The following ARHGAP11B variants were observed in gnomAD, a reference collection of about 807,000 sequenced individuals.
ARHGAP11B encodes the protein Rho GTPase activating protein 11B, also known as inactive Rho GTPase-activating protein 11B.
In ARHGAP11B, 14 loss-of-function variants were observed where a neutral mutation model predicts 27.6. That is an observed-to-expected ratio of 0.51 (90% CI 0.34 to 0.79). The LOEUF (loss-of-function observed/expected upper bound fraction) is 0.79, where lower values mean the gene tolerates loss of function less well. Ranked by LOEUF, ARHGAP11B falls within the 30% of genes least tolerant of loss-of-function variation. The probability of loss-of-function intolerance (pLI) is 0.02; values close to 1 mark genes in which losing one functional copy is unlikely to be tolerated. For missense variants in ARHGAP11B, 245 were observed against 320.1 expected, an observed-to-expected ratio of 0.77 and a Z score of 1.79; for synonymous variants, 82 against 114.1, an observed-to-expected ratio of 0.72 and a Z score of 1.80.
intron 2 of ARHGAP11B, among the ~76,000 whole-genome samples, chr15:30,631,157 T>C (rs1036967101): frequency 1.3e-5 from 2 of 151,432 alleles, no homozygotes; most frequent in Non-Finnish European, 2.9e-5. Context: ...AAAAATATTT[T>C]TTTAACTTTT....
chr15:30,639,194 T>C (rs553544947), intron 7 of ARHGAP11B, among the ~76,000 whole-genome samples: 143 of 152,288 alleles, frequency 9.4e-4, no homozygotes, highest in Non-Finnish European at 1.5e-3. Context: ...TGGCTGAAAT[T>C]ATTCAGCCAG....
intron 1 of ARHGAP11B, among the ~76,000 whole-genome samples, chr15:30,629,808 C>A (rs1318873313): frequency 6.6e-6 from 1 of 152,030 alleles, no homozygotes; most frequent in South Asian, 2.1e-4. Context: ...AGTACTTCAG[C>A]ATTCACAGAG....
At chr15:30,641,007 T>C (rs2060311769) in intron 7 of ARHGAP11B, among the ~76,000 whole-genome samples, 1 of 151,888 alleles carries the variant, frequency 6.6e-6, no homozygotes, top group Non-Finnish European at 1.5e-5. Context: ...AGCATTACAT[T>C]TTCCCCAAGG....
intron 1 of ARHGAP11B, among the ~76,000 whole-genome samples, chr15:30,630,430 T>C (rs1248193973): frequency 6.6e-6 from 1 of 151,980 alleles, no homozygotes; most frequent in Non-Finnish European, 1.5e-5. Flanking sequence ...AAATTGACTT[T>C]ATGATCAGAT....
chr15:30,638,622 A>G (rs972062513), intron 6 of ARHGAP11B, 124 bp from the exon 7 acceptor site: 25 of 516,186 alleles, frequency 4.8e-5, no homozygotes, highest in Middle Eastern at 4.1e-4. Context: ...TTCCTCTTAA[A>G]TAACTTAAAA....
exon 1 of ARHGAP11B, chr15:30,626,865 G>A (rs1567508470): frequency 6.2e-7 from 1 of 1,613,716 alleles, no homozygotes; most frequent in Middle Eastern, 1.7e-4. Flanking sequence ...TGCAGCATCT[G>A]CGGGCCTTCT....
Position 30,644,847 on chromosome 15 carries a change from T to A in ARHGAP11B, c.*142+145T>A, listed in dbSNP as rs903132811. ...TGGTTATATTCTTGGGTCAGTGTTA[T>A]GTGAATTGTAAGTAATCTGTAATTC... On this transcript the variant is annotated intron_variant, in intron 8 of 10. Transcript: ENST00000428041. The A allele has an allele frequency of 5.0e-6, 4 of 793,294 alleles. No homozygotes were observed. The Admixed American group carries it at 9.0e-5, about 18-fold the overall frequency. The allele number at this position is 793,294 out of a possible 1,614,324, so 49.1% of individuals were successfully genotyped here. A position where few individuals can be genotyped will look rare whatever the true frequency, so the allele number is the denominator to read the frequency against.
chr15:30,643,627 A>T (rs963290237), intron 7 of ARHGAP11B, among the ~76,000 whole-genome samples: 1 of 152,030 alleles, frequency 6.6e-6, no homozygotes, highest in South Asian at 2.1e-4. Flanking sequence ...CAAGTCCTTG[A>T]CACTTTGAAG....
chr15:30,635,122 A>G (rs780001740), exon 5 of ARHGAP11B: 20 of 1,613,436 alleles, frequency 1.2e-5, no homozygotes, highest in Non-Finnish European at 1.6e-5. Context: ...TTGCAGTAAT[A>G]TTTGCACCAA....
At chr15:30,643,858 G>T (rs1051455945) in intron 7 of ARHGAP11B, among the ~76,000 whole-genome samples, 1 of 152,064 alleles carries the variant, frequency 6.6e-6, no homozygotes, top group African/African-American at 2.4e-5. Flanking sequence ...GTATAGAAAT[G>T]ATGGTTGAAT....
chr15:30,626,893 G>A, exon 1 of ARHGAP11B: 1 of 1,613,576 alleles, frequency 6.2e-7, no homozygotes. Context: ...TAAGGTGAAG[G>A]GTGTCCGTGG....
At chr15:30,640,521 A>G (rs868496971) in intron 7 of ARHGAP11B, among the ~76,000 whole-genome samples, 722 of 147,796 alleles carry the variant, frequency 4.9e-3, no homozygotes, top group Non-Finnish European at 6.8e-3. Flanking sequence ...CGATCAACCA[A>G]AAATGAAATG....
chr15:30,638,865 G>C (rs992826239), intron 7 of ARHGAP11B, 55 bp downstream of exon 7: 3 of 1,023,816 alleles, frequency 2.9e-6, no homozygotes, highest in Admixed American at 6.5e-5. Flanking sequence ...AATTTGTATA[G>C]TATTCTATAA....
intron 6 of ARHGAP11B, 75 bp from the exon 7 acceptor site, chr15:30,638,671 C>T (rs528531098): frequency 1.1e-4 from 98 of 902,988 alleles, no homozygotes; most frequent in East Asian, 7.1e-4. Context: ...GAAAGAAGAC[C>T]GCAAATATTA....
chr15:30,630,895 C>T, intron 2 of ARHGAP11B, 122 bp downstream of exon 2: 1 of 1,543,038 alleles, frequency 6.5e-7, no homozygotes, highest in Non-Finnish European at 8.7e-7. Context: ...GCCTGGGCAA[C>T]ATGGTGAGAC....
chr15:30,642,606 T>C (rs1040144451), intron 7 of ARHGAP11B, among the ~76,000 whole-genome samples: 2 of 151,982 alleles, frequency 1.3e-5, no homozygotes, highest in African/African-American at 2.4e-5. Flanking sequence ...AGATACTGAC[T>C]AAATATTTTA....
At chr15:30,634,487 G>A in intron 4 of ARHGAP11B, 64 bp downstream of exon 4, 2 of 1,491,762 alleles carry the variant, frequency 1.3e-6, no homozygotes, top group South Asian at 2.5e-5. Flanking sequence ...TTTTATGCTT[G>A]TAGATATGTA....
At chr15:30,632,793 G>A (rs932805683) in intron 2 of ARHGAP11B, among the ~76,000 whole-genome samples, 2 of 151,840 alleles carry the variant, frequency 1.3e-5, no homozygotes, top group Admixed American at 1.3e-4. Context: ...TAATGTTGGG[G>A]TGAGGAAAAA....
chr15:30,639,528 G>A (rs1204908838), intron 7 of ARHGAP11B, among the ~76,000 whole-genome samples: 2 of 151,706 alleles, frequency 1.3e-5, no homozygotes, highest in Non-Finnish European at 2.9e-5. Context: ...CTAAGTAATA[G>A]CTTTATAAGA....
Sources: gnomAD v4.1 joint callset for allele counts (sites outside exome capture counted in the v4.1 genomes callset) on GRCh38, gnomAD v4.1.1 for gene constraint, MANE v1.5 for transcripts, NCBI Gene and HGNC (gene_info 2026-07-23, HGNC 2026-07-21) for gene names.